Variants in UHRF1 observed in about 807,000 individuals in gnomAD.
UHRF1 encodes the protein E3 ubiquitin-protein ligase UHRF1.
UHRF1 carries 9 observed loss-of-function variants against 96.5 expected under a neutral mutation model. That is an observed-to-expected ratio of 0.09 (90% CI 0.06 to 0.16). UHRF1 has a LOEUF of 0.16. Ranked by LOEUF, UHRF1 falls within the 10% of genes least tolerant of loss-of-function variation. The probability of loss-of-function intolerance (pLI) is 1.00; values close to 1 mark genes in which losing one functional copy is unlikely to be tolerated. For missense variants in UHRF1, 626 were observed against 1,131.1 expected, an observed-to-expected ratio of 0.55 and a Z score of 6.40; for synonymous variants, 455 against 469.9, an observed-to-expected ratio of 0.97 and a Z score of 0.41.
intron 15 of UHRF1, among the ~76,000 whole-genome samples, chr19:4,956,057 C>G (rs2145218987): frequency 1.3e-5 from 2 of 152,226 alleles, no homozygotes; most frequent in African/African-American, 4.8e-5. Flanking sequence ...GTCTCAGCCT[C>G]CCAAGTACCT....
At chr19:4,952,812 CCCT>C (rs1174681565) in intron 13 of UHRF1, among the ~76,000 whole-genome samples, 1 of 152,028 alleles carries the variant, frequency 6.6e-6, no homozygotes, top group Non-Finnish European at 1.5e-5. Context: ...AGCGATGATG[CCCT>C]GTGAGGACAG....
chr19:4,957,297 G>GTTTTTTTTTTTTTTT (rs59654364), intron 16 of UHRF1, among the ~76,000 whole-genome samples: 1 of 51,100 alleles, frequency 2.0e-5, no homozygotes, highest in African/African-American at 7.7e-5. Context: ...CCAGCTGATG[G>GTTTTTTTTTTTTTTT]TTTTTTTTTT....
At chr19:4,944,479 G>A (rs774951175) in intron 9 of UHRF1, 29 bp downstream of exon 9, 8 of 1,610,484 alleles carry the variant, frequency 5.0e-6, no homozygotes, top group Non-Finnish European at 5.9e-6. Context: ...GGCTCCAGGG[G>A]CCACGCGGGC....
At chr19:4,924,162 T>G (rs1422997927) in intron 2 of UHRF1, among the ~76,000 whole-genome samples, 1 of 152,128 alleles carries the variant, frequency 6.6e-6, no homozygotes, top group Non-Finnish European at 1.5e-5. Flanking sequence ...ATTTTTTTAT[T>G]TTTTTGAGAC....
intron 5 of UHRF1, among the ~76,000 whole-genome samples, chr19:4,939,845 A>T (rs1599277701): frequency 6.6e-6 from 1 of 152,136 alleles, no homozygotes; most frequent in Admixed American, 6.6e-5. Flanking sequence ...AAACACGGTG[A>T]AACCCCGTCT....
chr19:4,922,634 TAAC>T (rs1375191722), intron 2 of UHRF1, among the ~76,000 whole-genome samples: 1 of 152,228 alleles, frequency 6.6e-6, no homozygotes, highest in Non-Finnish European at 1.5e-5. Flanking sequence ...GGTCAGAACT[TAAC>T]AATAACTAAG....
rs71170880 is a variant in UHRF1, at chr19:4,938,730, G to GTTTTTTTTTTTTTTTTTTTT, written c.786-2786_786-2767dup. On this transcript the variant is annotated intron_variant, in intron 5 of 16. Coordinates refer to ENST00000650932, the MANE Select transcript of UHRF1 (RefSeq NM_001048201.3). ...GGCATAAGAGTTTTGTTTTGGTCAGGTTTTTTTTTTTTTTTTTTTTTTTTT... is the reference window on the plus strand; with the variant it reads ...GGCATAAGAGTTTTGTTTTGGTCAGGTTTTTTTTTTTTTTTTTTTTTTTTTTTTTTTTTTTTTTTTTTTTT... 4.2e-4 allele frequency among the ~76,000 whole-genome samples: 26 copies of GTTTTTTTTTTTTTTTTTTTT among 61,584 alleles called. 2 individuals carry two copies. Among genetic ancestry groups the GTTTTTTTTTTTTTTTTTTTT allele is most frequent in the African/African-American group, 8.5e-4 (12 of 14,068 alleles). The allele number at this position is 61,584 out of a possible 152,430, so 40.4% of individuals were successfully genotyped here. A position where few individuals can be genotyped will look rare whatever the true frequency, so the allele number is the denominator to read the frequency against.
Position 4,954,785 on chromosome 19 carries a change from T to A in UHRF1, c.2093T>A (p.Leu698Gln). 1 of 1,613,882 alleles carries A rather than the reference T, an allele frequency of 6.2e-7. No individual in the cohort carries two copies. The highest frequency in any genetic ancestry group is 8.5e-7 in the Non-Finnish European group (1 of 1,179,854). ...KSNAKLWNEV[L>Q]ASLKDRPASG... is the part of the protein sequence containing the mutation. ...AACGCCAAGCTGTGGAATGAGGTCCTGGCGTCACTCAAGGACCGGCCGGCG... is the reference window on the plus strand; with the variant it reads ...AACGCCAAGCTGTGGAATGAGGTCCAGGCGTCACTCAAGGACCGGCCGGCG... The change falls in exon 15 of 17, where the codon CTG (leucine) becomes CAG (glutamine). Residue 698 changes from leucine (L) to glutamine (Q), a missense_variant. Physicochemically the swap from Leu to Gln is moderately radical, Grantham distance 113 (BLOSUM62 -2). This residue lies in a region of UHRF1 where 84 missense variants were observed against 150.3 expected (regional missense o/e 0.56). Coordinates refer to ENST00000650932, the MANE Select transcript of UHRF1 (RefSeq NM_001048201.3). This position sits in a 1 kb window ranked among gnomAD's most constrained non-coding sequence, Gnocchi z 5.9.
chr19:4,953,542 C>T (rs1192501104), intron 13 of UHRF1, among the ~76,000 whole-genome samples: 1 of 152,076 alleles, frequency 6.6e-6, no homozygotes, highest in Non-Finnish European at 1.5e-5. Flanking sequence ...TAGCTCACTA[C>T]AGCCTCAAAC....
In UHRF1 at chr19:4,941,870, A is replaced by G. The variant is rs369061765; in HGVS notation, c.1012A>G (p.Met338Val). 3.2e-6 allele frequency: 5 copies of G among 1,557,586 alleles called. No individual in the cohort carries two copies. Among genetic ancestry groups the G allele is most frequent in the African/African-American group, 1.4e-5 (1 of 73,094 alleles). ...GCAGCTCATGTGCGATGAGTGCGAC[A>G]TGGCCTTCCACATCTACTGCCTGGA... is the stretch of plus-strand genomic sequence containing the variant. The part of the protein sequence containing the change: ...DKQLMCDECD[M>V]AFHIYCLDPP... The change falls in exon 7 of 17, where the codon ATG becomes GTG. Residue 338 changes from methionine to valine, a missense_variant. Met to Val is a conservative substitution (Grantham distance 21). Coordinates refer to ENST00000650932, the MANE Select transcript of UHRF1 (RefSeq NM_001048201.3).
rs141530003 is a variant in UHRF1, at chr19:4,948,861, C to T, written c.1517+1650C>T. Among the ~76,000 whole-genome samples the T allele has an allele frequency of 9.0e-3, 1,363 of 151,290 alleles. 23 individuals are homozygous for T. Among genetic ancestry groups the T allele is most frequent in the African/African-American group, 0.032 (1,303 of 41,192 alleles). On this transcript the variant is annotated intron_variant, in intron 11 of 16. Transcript: ENST00000650932. ...CAAAGAGGCCAGGCGTGGTGGCTCA[C>T]GCCTGTAATCCCAGCACTTTGGGAG...
At chr19:4,938,271 G>C (rs1483195345) in intron 5 of UHRF1, among the ~76,000 whole-genome samples, 1 of 152,058 alleles carries the variant, frequency 6.6e-6, no homozygotes, top group Non-Finnish European at 1.5e-5. Flanking sequence ...TGGACTATCT[G>C]TTTCATCATG....
chr19:4,942,975 C>T (rs917504003), intron 7 of UHRF1, among the ~76,000 whole-genome samples: 3 of 151,654 alleles, frequency 2.0e-5, no homozygotes, highest in Non-Finnish European at 4.4e-5. Context: ...TGCAGTGGCT[C>T]ATGCCTGTAA....
At chr19:4,932,598 G>C in intron 4 of UHRF1, 143 bp from the exon 5 acceptor site, 1 of 816,440 alleles carries the variant, frequency 1.2e-6, no homozygotes, top group Non-Finnish European at 1.9e-6. Context: ...ATATACCTGT[G>C]TGTTCTCAAC....
intron 13 of UHRF1, among the ~76,000 whole-genome samples, chr19:4,951,543 G>A (rs2033717623): frequency 1.3e-5 from 2 of 152,054 alleles, no homozygotes; most frequent in South Asian, 4.2e-4. Context: ...TCCAGCCAGG[G>A]GGTGATGGGA....
At chr19:4,933,697 T>G (rs1184961789) in intron 5 of UHRF1, among the ~76,000 whole-genome samples, 1 of 152,168 alleles carries the variant, frequency 6.6e-6, no homozygotes, top group Non-Finnish European at 1.5e-5. Flanking sequence ...TTCATAAACA[T>G]ACACGCCAAA....
chr19:4,918,050 C>A (rs533664664), intron 2 of UHRF1, among the ~76,000 whole-genome samples: 25 of 152,232 alleles, frequency 1.6e-4, no homozygotes, highest in Middle Eastern at 3.4e-3. Flanking sequence ...TTCAGTTTCC[C>A]CCCTGTAGTA....
rs2307203 is a variant in UHRF1, at chr19:4,930,681, C to G, written c.409-35C>G. On this transcript the variant is annotated intron_variant, in intron 3 of 16. Transcript: ENST00000650932. The surrounding 1 kb of genome is among the most constrained non-coding windows in gnomAD (Gnocchi z 4.4). ...TGGTCTCCCGTCAGTTTTCCTCACC[C>G]CGTTGGGATGCCAGACTTCCCTCAT... is the stretch of plus-strand genomic sequence containing the variant. 94,773 of 1,605,066 alleles carry G rather than the reference C, an allele frequency of 0.059. 2,995 individuals carry two copies. Among genetic ancestry groups the G allele is most frequent in the Non-Finnish European group, 0.065 (76,933 of 1,175,008 alleles).
chr19:4,956,692 C>T lies in UHRF1; in HGVS notation c.2131-17C>T, dbSNP rs1195840724. The T allele has an allele frequency of 1.9e-6, 3 of 1,578,478 alleles. No individual in the cohort carries two copies. The highest frequency in any genetic ancestry group is 2.3e-5 in the East Asian group (1 of 44,272). Reference sequence around the variant, plus strand: ...GGTCCCGGTGTCTTTGCCGGCCTCACACCCGCTTCCCTCTAGTTCCAGTTG... The same window carrying T: ...GGTCCCGGTGTCTTTGCCGGCCTCATACCCGCTTCCCTCTAGTTCCAGTTG... On this transcript the variant is annotated splice_polypyrimidine_tract_variant and intron_variant, in intron 15 of 16. Coordinates refer to ENST00000650932, the MANE Select transcript of UHRF1 (RefSeq NM_001048201.3).
Sources: allele counts gnomAD v4.1 joint callset (sites outside exome capture counted in the v4.1 genomes callset), GRCh38; gene constraint gnomAD v4.1.1; regional missense constraint gnomAD v4.1.1; non-coding constraint Gnocchi (gnomAD v3.1); transcripts MANE v1.5; gene names NCBI Gene and HGNC (gene_info 2026-07-23, HGNC 2026-07-21).